The following SGPL1 variants were observed in gnomAD, a reference collection of about 807,000 sequenced individuals.
SGPL1 encodes SP-lyase 1.
A neutral mutation model predicts 68.9 loss-of-function variants in SGPL1; 37 were observed. The observed-to-expected ratio is 0.54, with a 90% confidence interval of 0.41 to 0.71. The LOEUF is 0.71. Among genes scored for constraint, SGPL1 ranks in the 30% least tolerant of loss-of-function variants. The pLI is 0.00. For synonymous variants in SGPL1, 236 were observed against 248.5 expected, an observed-to-expected ratio of 0.95 and a Z score of 0.47; for missense variants, 551 against 704.6, an observed-to-expected ratio of 0.78 and a Z score of 2.47.
chr10:70,855,962 C>A (rs1378991907), intron 5 of SGPL1, among the ~76,000 whole-genome samples: 1 of 3,950 alleles, frequency 2.5e-4, no homozygotes, highest in Admixed American at 8.8e-3. Flanking sequence ...TTCTAGGAGC[C>A]AACCAGGAGC....
In SGPL1 at chr10:70,878,972, T is replaced by G. The variant is rs914307138; in HGVS notation, c.*1637T>G. ...CCAGACCCTGCGCCTATTTCCTGCC[T>G]TCTTTCCCCTATAGGGAACTCTGTA... On this transcript the variant is annotated 3_prime_UTR_variant, in exon 15 of 15. Transcript: ENST00000373202. 4 of 152,880 alleles carry G rather than the reference T, an allele frequency of 2.6e-5. No homozygotes were observed. Among genetic ancestry groups the G allele is most frequent in the East Asian group, 1.9e-4 (1 of 5,186 alleles). 9.5% of individuals were successfully genotyped at this position (152,880 alleles called of 1,614,324 possible).
chr10:70,872,096 C>A, intron 11 of SGPL1, 110 bp downstream of exon 11: 1 of 1,098,000 alleles, frequency 9.1e-7, no homozygotes. Context: ...GAATTCTCAT[C>A]AGATGCTTGT....
intron 2 of SGPL1, among the ~76,000 whole-genome samples, chr10:70,825,146 T>A (rs1400083325): frequency 6.6e-6 from 1 of 152,040 alleles, no homozygotes; most frequent in Non-Finnish European, 1.5e-5. Flanking sequence ...GAGTAGTTTC[T>A]GGAACTTTGA....
chr10:70,873,637 C>T (rs372213337), intron 12 of SGPL1, 48 bp downstream of exon 12: 2 of 1,424,266 alleles, frequency 1.4e-6, no homozygotes, highest in Non-Finnish European at 9.9e-7. Flanking sequence ...CTTTTTTGTC[C>T]TAGTAGGCTC....
chr10:70,862,561 T>C (rs1234750547), intron 7 of SGPL1, among the ~76,000 whole-genome samples: 2 of 152,176 alleles, frequency 1.3e-5, no homozygotes, highest in Non-Finnish European at 2.9e-5. Flanking sequence ...TAAATCTTGC[T>C]ACTGCTCACT....
In SGPL1 at chr10:70,881,129, A is replaced by G. The variant is rs1846486975; in HGVS notation, c.*3794A>G. On this transcript the variant is annotated 3_prime_UTR_variant, in exon 15 of 15. Coordinates refer to ENST00000373202, the MANE Select transcript of SGPL1 (RefSeq NM_003901.4). ...TCTCTTCTTAATATCCTTCCCTATA[A>G]TTTCAATTATTTGGATTAATTTTAG... 1 of 151,770 alleles carries G rather than the reference A, an allele frequency of 6.6e-6. No homozygotes were observed. The highest frequency in any genetic ancestry group is 1.5e-5 in the Non-Finnish European group (1 of 67,950). 9.4% of individuals were successfully genotyped at this position (151,770 alleles called of 1,614,324 possible).
chr10:70,852,951 T>C (rs1232510528), intron 4 of SGPL1, among the ~76,000 whole-genome samples: 1 of 152,096 alleles, frequency 6.6e-6, no homozygotes, highest in African/African-American at 2.4e-5. Flanking sequence ...TTGAAGAAAT[T>C]AAAATTGGGT....
intron 4 of SGPL1, among the ~76,000 whole-genome samples, chr10:70,854,146 G>GATA (rs1327847570): frequency 6.6e-6 from 1 of 151,972 alleles, no homozygotes; most frequent in African/African-American, 2.4e-5. Flanking sequence ...GCAGAGAAAA[G>GATA]GGTTATGGGG....
chr10:70,871,326 C>G (rs1015471482), intron 10 of SGPL1, among the ~76,000 whole-genome samples, 180 bp downstream of exon 10: 1 of 152,174 alleles, frequency 6.6e-6, no homozygotes, highest in East Asian at 1.9e-4. Context: ...TTAAAAGTTG[C>G]TAGTCTCTGC....
intron 2 of SGPL1, among the ~76,000 whole-genome samples, chr10:70,838,498 C>G (rs933743664): frequency 1.3e-5 from 2 of 152,144 alleles, no homozygotes; most frequent in African/African-American, 4.8e-5. Context: ...ACTAGATATC[C>G]TGGGCTTATT....
At chr10:70,819,135 C>G (rs756835467) in intron 2 of SGPL1, among the ~76,000 whole-genome samples, 6 of 152,222 alleles carry the variant, frequency 3.9e-5, no homozygotes, top group Non-Finnish European at 8.8e-5. Flanking sequence ...TTTACTTTAA[C>G]AGAACAATGA....
chr10:70,818,866 G>A (rs998663200), intron 2 of SGPL1, among the ~76,000 whole-genome samples: 7 of 152,108 alleles, frequency 4.6e-5, no homozygotes, highest in Admixed American at 2.0e-4. Flanking sequence ...GAAACTATAA[G>A]TAAGCAAAAG....
At chr10:70,867,723 C>CTA (rs765011030) in intron 7 of SGPL1, among the ~76,000 whole-genome samples, 3 of 152,102 alleles carry the variant, frequency 2.0e-5, no homozygotes, top group African/African-American at 4.8e-5. Flanking sequence ...TGTTTGAACT[C>CTA]TGGTAAAGAA....
rs762264518 is a variant in SGPL1 at position 70,871,932 on chromosome 10, C to G, written c.1005C>G (p.His335Gln). The change falls in exon 11 of 15, where the codon CAC (histidine) becomes CAG (glutamine). Residue 335 changes from histidine (H) to glutamine (Q), a missense_variant. Transcript: ENST00000373202. ...AGAAAGCAGGATACCCACTGGAGCA[C>G]CCATTTGATTTCCGGGTGAAAGGTG... ...FMEKAGYPLE[H>Q]PFDFRVKGVT... 1 of 1,614,140 alleles carries G rather than the reference C, an allele frequency of 6.2e-7. No homozygotes were observed. Among genetic ancestry groups the G allele is most frequent in the South Asian group, 1.1e-5 (1 of 91,074 alleles).
intron 7 of SGPL1, among the ~76,000 whole-genome samples, chr10:70,859,876 T>C (rs1411726206): frequency 6.6e-6 from 1 of 151,788 alleles, no homozygotes; most frequent in African/African-American, 2.4e-5. Flanking sequence ...TTGCCATATC[T>C]GCTCTCTACA....
Position 70,825,575 on chromosome 10 carries a change from T to C in SGPL1, c.27+8695T>C, listed in dbSNP as rs369235669. Among the ~76,000 whole-genome samples, 30 of 152,332 alleles carry C rather than the reference T, an allele frequency of 2.0e-4. 2 individuals are homozygous for C. Among genetic ancestry groups the C allele is most frequent in the East Asian group, 1.7e-3 (9 of 5,178 alleles). ...ACAGGATAGATTCAGAGGCACACAG[T>C]TGCCACAGCTTTGGCAAGCCCAAAG... On this transcript the variant is annotated intron_variant, in intron 2 of 14. Transcript: ENST00000373202.
chr10:70,820,513 G>A (rs1845319171), intron 2 of SGPL1: 2 of 152,154 alleles, frequency 1.3e-5, no homozygotes. Context: ...GGTGGCTCAT[G>A]CCTGTAATTC....
intron 2 of SGPL1, among the ~76,000 whole-genome samples, chr10:70,817,383 A>G (rs1342507028): frequency 1.3e-5 from 2 of 152,236 alleles, no homozygotes; most frequent in East Asian, 3.9e-4. Context: ...ACATCAATAC[A>G]GTATATGTAG....
chr10:70,824,968 CTTT>C (rs33942248), intron 2 of SGPL1, among the ~76,000 whole-genome samples: 1 of 141,330 alleles, frequency 7.1e-6, no homozygotes, highest in Admixed American at 7.1e-5. Context: ...TGTTTTTTCT[CTTT>C]TTTTTTTTTT....
Sources: allele counts gnomAD v4.1 joint callset (sites outside exome capture counted in the v4.1 genomes callset), GRCh38; gene constraint gnomAD v4.1.1; transcripts MANE v1.5; gene names NCBI Gene and HGNC (gene_info 2026-07-23, HGNC 2026-07-21).